EFCAB11: variants seen among roughly 807,000 people sequenced by gnomAD.
EFCAB11 encodes EF-hand calcium-binding domain-containing protein 11.
Under a neutral mutation model 23.0 loss-of-function variants are expected in EFCAB11, and 14 were observed. The ratio of observed to expected loss-of-function variants is 0.61; its 90% CI spans 0.40 to 0.95. The LOEUF is 0.95. Ranked by LOEUF, EFCAB11 falls within the 40% of genes least tolerant of loss-of-function variation. EFCAB11 has a pLI of 0.00. For synonymous variants in EFCAB11, 65 were observed against 66.6 expected (o/e 0.98, Z 0.11); for missense variants, 198 against 195.8 (o/e 1.01, Z -0.07).
At chr14:89,841,100 T>C (rs149037028) in intron 5 of EFCAB11, among the ~76,000 whole-genome samples, 6 of 152,164 alleles carry the variant, frequency 3.9e-5, no homozygotes, top group Non-Finnish European at 5.9e-5. Flanking sequence ...ACTTTCCTCC[T>C]CCTGAACCTT....
At chr14:89,910,646 C>T (rs1398247628) in intron 5 of EFCAB11, among the ~76,000 whole-genome samples, 1 of 135,860 alleles carries the variant, frequency 7.4e-6, no homozygotes, top group African/African-American at 3.3e-5. Context: ...TACATACATA[C>T]ATAAAAATGT....
chr14:89,923,605 C>T (rs1890089292), intron 5 of EFCAB11: 2 of 876,098 alleles, frequency 2.3e-6, no homozygotes, highest in Non-Finnish European at 2.7e-6. Context: ...TGTATGGCTA[C>T]AAAGAATGAA....
rs760783725 is a variant in EFCAB11 at position 89,797,289 on chromosome 14, A to G, written c.446T>C (p.Phe149Ser). ...VDRDSDGHVS[F>S]RDFEYALNYG... Reference sequence around the variant, plus strand: ...GTTCAGGGCATATTCAAAGTCTCTAAAGCTGACGTGACCATCTGAATCTCG... The same window carrying G: ...GTTCAGGGCATATTCAAAGTCTCTAGAGCTGACGTGACCATCTGAATCTCG... Residue 149 changes from phenylalanine to serine, a missense_variant, in exon 6 of 6, where the codon TTT becomes TCT. By Grantham distance (155) the Phe-to-Ser change is radical. Transcript: ENST00000316738. 49 of 1,613,244 alleles carry G rather than the reference A, an allele frequency of 3.0e-5. No homozygotes were observed. The highest frequency in any genetic ancestry group is 3.3e-4 in the Middle Eastern group (2 of 6,074).
chr14:89,828,192 T>C (rs1359155716), intron 5 of EFCAB11, among the ~76,000 whole-genome samples: 4 of 152,194 alleles, frequency 2.6e-5, no homozygotes, highest in South Asian at 4.1e-4. Flanking sequence ...TAACCACTTA[T>C]TGTATTGATA....
chr14:89,878,808 T>C (rs565951059), intron 5 of EFCAB11, among the ~76,000 whole-genome samples: 1 of 152,264 alleles, frequency 6.6e-6, no homozygotes, highest in South Asian at 2.1e-4. Context: ...TCATTTTCTT[T>C]CTTGGCTCTT....
chr14:89,847,266 T>A (rs1229587994), intron 5 of EFCAB11, among the ~76,000 whole-genome samples: 1 of 152,222 alleles, frequency 6.6e-6, no homozygotes, highest in Non-Finnish European at 1.5e-5. Context: ...AATTCTTACC[T>A]CACCTTCAAA....
intron 5 of EFCAB11, among the ~76,000 whole-genome samples, chr14:89,887,294 T>G (rs188449809): frequency 6.6e-6 from 1 of 152,190 alleles, no homozygotes; most frequent in Non-Finnish European, 1.5e-5. Flanking sequence ...GCCTCTCTGA[T>G]GATGTGATAT....
chr14:89,876,053 T>A (rs1015411564), intron 5 of EFCAB11, among the ~76,000 whole-genome samples: 18 of 151,844 alleles, frequency 1.2e-4, no homozygotes, highest in Admixed American at 1.2e-3. Context: ...AACTGGGAGG[T>A]TGTTGGTGAG....
At chr14:89,928,659 A>ATT (rs1890271421) in intron 5 of EFCAB11, among the ~76,000 whole-genome samples, 1 of 146,526 alleles carries the variant, frequency 6.8e-6, no homozygotes, top group African/African-American at 2.6e-5. Context: ...TTGCTATTGA[A>ATT]TTATATATAT....
At chr14:89,883,540 T>A (rs1165813955) in intron 5 of EFCAB11, among the ~76,000 whole-genome samples, 1 of 152,170 alleles carries the variant, frequency 6.6e-6, no homozygotes, top group East Asian at 1.9e-4. Context: ...ACATTGTAAA[T>A]GGCATGTAAA....
At chr14:89,812,295 A>T (rs1238853615) in intron 5 of EFCAB11, among the ~76,000 whole-genome samples, 4 of 152,260 alleles carry the variant, frequency 2.6e-5, no homozygotes, top group Non-Finnish European at 5.9e-5. Flanking sequence ...CCTTCGAGAC[A>T]TATAAAAGGA....
At position 89,933,959 on chromosome 14, in the gene EFCAB11, AG is replaced by A. The variant is rs553772777; in HGVS notation, c.218-1333del. 1.1e-4 allele frequency among the ~76,000 whole-genome samples: 17 copies of A among 152,320 alleles called. 1 individual carries two copies. In the South Asian group the frequency reaches 3.5e-3, roughly 32 times the overall value. ...TGGGAAGAAGAGCATTGCTGGCAGT[AG>A]GAACAGCCTGTGCCGAGGCTGTTGT... On this transcript the variant is annotated intron_variant, in intron 3 of 5. Coordinates refer to ENST00000316738, the MANE Select transcript of EFCAB11 (RefSeq NM_145231.4).
At chr14:89,880,584 T>C (rs1888569087) in intron 5 of EFCAB11, among the ~76,000 whole-genome samples, 2 of 152,154 alleles carry the variant, frequency 1.3e-5, no homozygotes, top group South Asian at 4.1e-4. Flanking sequence ...TTTGAAGGTG[T>C]TTTATAATTA....
chr14:89,854,236 CA>C (rs1316849247), intron 5 of EFCAB11, among the ~76,000 whole-genome samples: 1 of 72,050 alleles, frequency 1.4e-5, no homozygotes, highest in East Asian at 2.8e-4. Context: ...GATACAAACA[CA>C]TTTTTTTTAA....
intron 5 of EFCAB11, among the ~76,000 whole-genome samples, chr14:89,834,148 A>T (rs967233333): frequency 2.6e-5 from 4 of 151,108 alleles, no homozygotes; most frequent in African/African-American, 9.7e-5. Flanking sequence ...AGGTCAGGAG[A>T]TAGAGACCAC....
chr14:89,924,762 G>A (rs61998723), intron 5 of EFCAB11: 3 of 1,457,498 alleles, frequency 2.1e-6, no homozygotes, highest in Non-Finnish European at 9.2e-7. Flanking sequence ...AAAGCCACAT[G>A]TGGCTATGAA....
intron 5 of EFCAB11, among the ~76,000 whole-genome samples, chr14:89,861,731 TAA>T (rs893164624): frequency 6.6e-6 from 1 of 152,130 alleles, no homozygotes; most frequent in Non-Finnish European, 1.5e-5. Context: ...ATTGGCTTTA[TAA>T]AAAGAGGAAG....
chr14:89,875,868 G>C (rs10151032), intron 5 of EFCAB11, among the ~76,000 whole-genome samples: 1 of 152,128 alleles, frequency 6.6e-6, no homozygotes, highest in African/African-American at 2.4e-5. Flanking sequence ...AAATTGGAAA[G>C]GGCATGCAGG....
chr14:89,917,455 G>A (rs1260364191), intron 5 of EFCAB11, among the ~76,000 whole-genome samples: 1 of 152,140 alleles, frequency 6.6e-6, no homozygotes, highest in Non-Finnish European at 1.5e-5. Flanking sequence ...ATATTCTGCT[G>A]TACACACATA....
Sources: allele counts gnomAD v4.1 joint callset (sites outside exome capture counted in the v4.1 genomes callset), GRCh38; gene constraint gnomAD v4.1.1; transcripts MANE v1.5; gene names NCBI Gene and HGNC (gene_info 2026-07-23, HGNC 2026-07-21).